The following CHRM3 variants were observed in gnomAD, a reference collection of about 807,000 sequenced individuals.
The protein encoded by CHRM3 is cholinergic receptor muscarinic 3, also known as muscarinic acetylcholine receptor M3.
In CHRM3, 11 loss-of-function variants were observed where a neutral mutation model predicts 41.8. That is an observed-to-expected ratio of 0.26 (90% confidence interval 0.17 to 0.44). CHRM3 has a LOEUF of 0.44. CHRM3 is among the 20% of genes least tolerant of loss of function. CHRM3 has a pLI of 1.00. For synonymous variants in CHRM3, 297 were observed against 301.4 expected, an observed-to-expected ratio of 0.99 and a Z score of 0.15; for missense variants, 571 against 745.4, an observed-to-expected ratio of 0.77 and a Z score of 2.72.
chr1:239,749,953 A>G (rs1266880903), intron 5 of CHRM3, among the ~76,000 whole-genome samples: 1 of 152,206 alleles, frequency 6.6e-6, no homozygotes, highest in Non-Finnish European at 1.5e-5. Context: ...ACGGCTTTGA[A>G]TCTCAGTTAA....
chr1:239,669,565 G>A (rs567030817), intron 4 of CHRM3, among the ~76,000 whole-genome samples: 3 of 152,126 alleles, frequency 2.0e-5, no homozygotes, highest in East Asian at 1.9e-4. Context: ...TGACCTACAC[G>A]TGTCACCCAA....
At chr1:239,746,116 A>G (rs1021674018) in intron 5 of CHRM3, among the ~76,000 whole-genome samples, 16 of 152,260 alleles carry the variant, frequency 1.1e-4, no homozygotes, top group African/African-American at 3.9e-4. Context: ...CATTACCTAC[A>G]TAATGCTAAT....
chr1:239,503,954 A>G (rs1037326341), intron 2 of CHRM3, among the ~76,000 whole-genome samples: 1 of 152,226 alleles, frequency 6.6e-6, no homozygotes, highest in Non-Finnish European at 1.5e-5. Context: ...ACCTGAAACT[A>G]TAAAAGTTCT....
intron 3 of CHRM3, among the ~76,000 whole-genome samples, chr1:239,611,183 T>C (rs1666988834): frequency 6.6e-6 from 1 of 152,222 alleles, no homozygotes; most frequent in Admixed American, 6.5e-5. Context: ...AGCTGTAACT[T>C]TATTTCCCTT....
intron 1 of CHRM3, among the ~76,000 whole-genome samples, chr1:239,483,222 T>C (rs952266513): frequency 6.6e-6 from 1 of 152,260 alleles, no homozygotes; most frequent in African/African-American, 2.4e-5. Context: ...ACCTTCATTG[T>C]ACAGGAAGAT....
intron 2 of CHRM3, among the ~76,000 whole-genome samples, chr1:239,497,194 T>C (rs1352761646): frequency 6.6e-6 from 1 of 152,180 alleles, no homozygotes; most frequent in Non-Finnish European, 1.5e-5. Context: ...CACATCCTGA[T>C]TTTGAAATTA....
chr1:239,893,859 C>G (rs1678758944), intron 6 of CHRM3, among the ~76,000 whole-genome samples: 1 of 151,834 alleles, frequency 6.6e-6, no homozygotes, highest in South Asian at 2.1e-4. Flanking sequence ...AGTTTTTAAT[C>G]CCTTAGCCAT....
In CHRM3 at chr1:239,404,454, G is replaced by GAAAT. The variant is rs1247114454; in HGVS notation, c.-521+17230_-521+17231insTAAA. On this transcript the variant is annotated intron_variant, in intron 1 of 6. Transcript: ENST00000676153. Reference sequence around the variant, plus strand: ...AGAAAGAAAGAAAGAAAGAAAGAAAGAAAGAAAGAAAGAAAAAGAAAGAAA... The same window carrying GAAAT: ...AGAAAGAAAGAAAGAAAGAAAGAAAGAAATAAAGAAAGAAAGAAAAAGAAAGAAA... Among the ~76,000 whole-genome samples, 3 of 136,984 alleles carry GAAAT rather than the reference G, an allele frequency of 2.2e-5. No individual in the cohort carries two copies. In the Admixed American group the frequency reaches 2.2e-4, roughly 10 times the overall value. 89.9% of individuals were successfully genotyped at this position (136,984 alleles called of 152,430 possible).
intron 6 of CHRM3, among the ~76,000 whole-genome samples, chr1:239,866,205 G>A (rs757425352): frequency 3.9e-5 from 6 of 152,000 alleles, no homozygotes; most frequent in East Asian, 1.9e-4. Flanking sequence ...GTGAAACCCC[G>A]TCTCTACTAA....
At chr1:239,800,960 C>G (rs1262120027) in intron 5 of CHRM3, among the ~76,000 whole-genome samples, 1 of 151,990 alleles carries the variant, frequency 6.6e-6, no homozygotes, top group Non-Finnish European at 1.5e-5. Context: ...AGCTGGCCTC[C>G]AGAGGATGCA....
chr1:239,662,797 TTC>T (rs1235596427), intron 4 of CHRM3, among the ~76,000 whole-genome samples: 1 of 151,880 alleles, frequency 6.6e-6, no homozygotes, highest in Non-Finnish European at 1.5e-5. Flanking sequence ...TGTCCTCTTC[TTC>T]TTTCTTCCCT....
chr1:239,905,986 T>G (rs931415614), intron 6 of CHRM3, among the ~76,000 whole-genome samples: 1 of 152,244 alleles, frequency 6.6e-6, no homozygotes, highest in Non-Finnish European at 1.5e-5. Context: ...CTTATTGAAT[T>G]CTGGAAAGAA....
rs1035343825 is a variant in CHRM3, at chr1:239,908,316, A to T, written c.865A>T (p.Ser289Cys). The change falls in exon 7 of 7, where the codon AGC (serine) becomes TGC (cysteine). Residue 289 changes from serine (S) to cysteine (C), a missense_variant. Physicochemically the swap from Ser to Cys is moderately radical, Grantham distance 112. Transcript: ENST00000676153. This position sits in a 1 kb window ranked among gnomAD's most constrained non-coding sequence, Gnocchi z 7.2. The part of the protein sequence containing the change: ...NFVHPTGSSR[S>C]CSSYELQQQS... ...TGTCCACCCCACGGGCAGTTCTCGA[A>T]GCTGCAGCAGTTACGAACTTCAACA... The T allele has an allele frequency of 6.2e-7, 1 of 1,614,162 alleles. No homozygotes were observed. The highest frequency in any genetic ancestry group is 1.3e-5 in the African/African-American group (1 of 75,048).
At chr1:239,450,741 C>G (rs563945512) in intron 1 of CHRM3, among the ~76,000 whole-genome samples, 1 of 152,318 alleles carries the variant, frequency 6.6e-6, no homozygotes, top group Non-Finnish European at 1.5e-5. Flanking sequence ...TCTGCCAGCT[C>G]TAGGCAGTAA....
At chr1:239,540,682 T>C (rs894395121) in intron 2 of CHRM3, among the ~76,000 whole-genome samples, 5 of 152,170 alleles carry the variant, frequency 3.3e-5, no homozygotes, top group African/African-American at 1.2e-4. Context: ...TAACTTCTAA[T>C]TTTTACTAAT....
rs1558195733 is a variant in CHRM3, at chr1:239,404,411, A to AGAG, written c.-521+17184_-521+17185insGAG. On this transcript the variant is annotated intron_variant, in intron 1 of 6. Coordinates refer to ENST00000676153, the MANE Select transcript of CHRM3 (RefSeq NM_001375978.1). The stretch of plus-strand genomic sequence containing the variant: ...AAGAAAGAAAGAAAGAAAGAAAGAA[A>AGAG]AAGAAAGAAAGAAAGAAAGAAAGAA... 4.8e-3 allele frequency among the ~76,000 whole-genome samples: 110 copies of AGAG among 23,134 alleles called. 1 individual carries two copies. Among genetic ancestry groups the AGAG allele is most frequent in the African/African-American group, 0.015 (103 of 6,700 alleles). The allele number at this position is 23,134 out of a possible 152,430, so 15.2% of individuals were successfully genotyped here. A position where few individuals can be genotyped will look rare whatever the true frequency, so the allele number is the denominator to read the frequency against.
rs1411352761 is a variant in CHRM3 at position 239,910,745 on chromosome 1, A to T, written c.*1521A>T. ...TTGCCGGGGCTGTTTGGGGAGAGGG[A>T]GGGGAGGGAGGTGGGAGGGCCGCGG... is the stretch of plus-strand genomic sequence containing the variant. On this transcript the variant is annotated 3_prime_UTR_variant, in exon 7 of 7. Coordinates refer to ENST00000676153, the MANE Select transcript of CHRM3 (RefSeq NM_001375978.1). The T allele has an allele frequency of 1.0e-5, 1 of 95,472 alleles. No individual in the cohort carries two copies. Among genetic ancestry groups the T allele is most frequent in the East Asian group, 3.5e-4 (1 of 2,866 alleles). The allele number at this position is 95,472 out of a possible 1,614,324, so 5.9% of individuals were successfully genotyped here. A position where few individuals can be genotyped will look rare whatever the true frequency, so the allele number is the denominator to read the frequency against.
intron 3 of CHRM3, among the ~76,000 whole-genome samples, chr1:239,580,990 G>C (rs568946604): frequency 4.7e-4 from 71 of 151,674 alleles, no homozygotes; most frequent in Non-Finnish European, 8.8e-4. Context: ...GACCCAGGGA[G>C]ATGGCTCTTG....
At chr1:239,759,156 GGTTT>G (rs1666489496) in intron 5 of CHRM3, among the ~76,000 whole-genome samples, 1 of 133,032 alleles carries the variant, frequency 7.5e-6, no homozygotes, top group African/African-American at 3.5e-5. Context: ...GAGCTTTATG[GGTTT>G]TTTTTTTTGT....
Sources: allele counts gnomAD v4.1 joint callset (sites outside exome capture counted in the v4.1 genomes callset), GRCh38; gene constraint gnomAD v4.1.1; non-coding constraint Gnocchi (gnomAD v3.1); transcripts MANE v1.5; gene names NCBI Gene and HGNC (gene_info 2026-07-23, HGNC 2026-07-21).